The following FCRL5 variants were observed in gnomAD, a reference collection of about 807,000 sequenced individuals.
FCRL5 encodes Fc receptor-like protein 5.
In FCRL5, 79 loss-of-function variants were observed where a neutral mutation model predicts 92.1. The ratio of observed to expected loss-of-function variants is 0.86; its 90% CI spans 0.72 to 1.03. FCRL5 has a LOEUF of 1.03. FCRL5 is among the 50% of genes least tolerant of loss of function. FCRL5 has a pLI of 0.00. For missense variants in FCRL5, 1,160 were observed against 1,181.1 expected (o/e 0.98, Z 0.26); for synonymous variants, 466 against 469.3 (o/e 0.99, Z 0.09).
intron 14 of FCRL5, 87 bp downstream of exon 14, chr1:157,518,613 C>G: frequency 6.9e-7 from 1 of 1,452,368 alleles, no homozygotes; most frequent in African/African-American, 1.4e-5. Context: ...CTCTAGGCCT[C>G]GGCATAGTCC....
At chr1:157,520,672 G>T in intron 11 of FCRL5, 125 bp from the exon 12 acceptor site, 1 of 679,314 alleles carries the variant, frequency 1.5e-6, no homozygotes, top group Non-Finnish European at 2.5e-6. Context: ...GCTAAGCAGG[G>T]GCTGGTGTGG....
intron 15 of FCRL5, among the ~76,000 whole-genome samples, chr1:157,517,504 C>T (rs1649982768): frequency 6.6e-6 from 1 of 152,036 alleles, no homozygotes; most frequent in South Asian, 2.1e-4. Flanking sequence ...AACCCAAGGA[C>T]TTTTCTCAGG....
intron 12 of FCRL5, 78 bp from the exon 13 acceptor site, chr1:157,519,848 T>C: frequency 4.8e-6 from 7 of 1,453,934 alleles, no homozygotes; most frequent in Non-Finnish European, 6.8e-6. Flanking sequence ...AAGGCTCACT[T>C]AGAAACTGCC....
intron 10 of FCRL5, 92 bp downstream of exon 10, chr1:157,524,187 C>A: frequency 7.1e-7 from 1 of 1,412,558 alleles, no homozygotes; most frequent in South Asian, 1.3e-5. Flanking sequence ...AAGCAAACAG[C>A]CCTGAGGAGC....
rs766760827 is a variant in FCRL5 at position 157,521,267 on chromosome 1, G to A, written c.2265C>T (p.Thr755=). 1 of 1,613,306 alleles carries A rather than the reference G, an allele frequency of 6.2e-7. No individual in the cohort carries two copies. The highest frequency in any genetic ancestry group is 8.5e-7 in the Non-Finnish European group (1 of 1,179,728). Residue 755 remains threonine (T), a synonymous_variant, in exon 11 of 17, where the codon ACC becomes ACT. Coordinates refer to ENST00000361835, the MANE Select transcript of FCRL5 (RefSeq NM_031281.3). The stretch of plus-strand genomic sequence containing the variant: ...CAGCATGGGTCCCGGGAGCCCTGAG[G>A]GTGAGGACCGGGCGAGACACCGGAA... ...VAVPVSRPVL[T]LRAPGTHAAV...
intron 1 of FCRL5, among the ~76,000 whole-genome samples, 169 bp downstream of exon 1, chr1:157,552,163 A>C (rs1273023441): frequency 1.3e-5 from 2 of 152,204 alleles, no homozygotes; most frequent in South Asian, 2.1e-4. Flanking sequence ...CATTTTCTTC[A>C]GCCTCAAGAG....
intron 15 of FCRL5, among the ~76,000 whole-genome samples, chr1:157,516,716 T>C (rs1649950463): frequency 6.6e-6 from 1 of 152,224 alleles, no homozygotes; most frequent in African/African-American, 2.4e-5. Context: ...AATATGACAT[T>C]CTCCAGACAA....
At chr1:157,528,518 G>A (rs1413710638) in intron 8 of FCRL5, 1 of 152,074 alleles carries the variant, frequency 6.6e-6, no homozygotes, top group Non-Finnish European at 1.5e-5. Flanking sequence ...GCAAGACTAA[G>A]CAAAAAGAAC....
intron 3 of FCRL5, among the ~76,000 whole-genome samples, chr1:157,546,450 A>AAAACCAAACAAAACCAAACC (rs1651540697): frequency 6.9e-6 from 1 of 145,016 alleles, no homozygotes; most frequent in Admixed American, 7.0e-5. Context: ...TCCATCTCAA[A>AAAACCAAACAAAACCAAACC]AAACCAAACC....
At chr1:157,518,332 C>T in intron 15 of FCRL5, 97 bp downstream of exon 15, 1 of 1,063,160 alleles carries the variant, frequency 9.4e-7, no homozygotes, top group Non-Finnish European at 1.4e-6. Flanking sequence ...AGGGGCGGCT[C>T]TATGCCTGTC....
chr1:157,540,464 GT>G (rs1159925265), intron 6 of FCRL5, among the ~76,000 whole-genome samples: 2 of 151,718 alleles, frequency 1.3e-5, no homozygotes, highest in African/African-American at 2.4e-5. Flanking sequence ...TAGATAAAAG[GT>G]TTTTACCTCT....
In FCRL5 at chr1:157,515,613, T is replaced by C. The variant is rs369636568; in HGVS notation, c.*62A>G. On this transcript the variant is annotated 3_prime_UTR_variant, in exon 17 of 17. Transcript: ENST00000361835. The stretch of plus-strand genomic sequence containing the variant: ...TAAATCTTCCCACTTCAATGCTGCT[T>C]CTCCCCCAAGGGGAACTTTGGGGTG... 1.2e-6 allele frequency: 2 copies of C among 1,613,712 alleles called. No homozygotes were observed. Among genetic ancestry groups the C allele is most frequent in the African/African-American group, 2.7e-5 (2 of 74,916 alleles).
At chr1:157,520,397 G>A (rs1412349143) in intron 12 of FCRL5, 34 bp downstream of exon 12, 2 of 1,466,898 alleles carry the variant, frequency 1.4e-6, no homozygotes, top group Non-Finnish European at 1.9e-6. Context: ...GGAAGGGCAT[G>A]AACTCAAGCC....
chr1:157,529,837 G>A (rs939617882), intron 8 of FCRL5, among the ~76,000 whole-genome samples: 2 of 152,138 alleles, frequency 1.3e-5, no homozygotes, highest in Admixed American at 6.5e-5. Flanking sequence ...TGGGGTGATG[G>A]ATAAAGTACT....
intron 8 of FCRL5, among the ~76,000 whole-genome samples, chr1:157,529,598 T>C (rs199942143): frequency 0.78 from 111,282 of 143,098 alleles, 43,074 homozygotes; most frequent in South Asian, 0.87. Flanking sequence ...CATACGCATG[T>C]GTGTGTGTGT....
Position 157,519,785 on chromosome 1 carries a change from A to G in FCRL5, c.2633-15T>C. The G allele has an allele frequency of 6.2e-7, 1 of 1,613,924 alleles. No individual in the cohort carries two copies. The highest frequency in any genetic ancestry group is 1.1e-5 in the South Asian group (1 of 91,046). On this transcript the variant is annotated splice_polypyrimidine_tract_variant and intron_variant, in intron 12 of 16. Transcript: ENST00000361835. Reference sequence around the variant, plus strand: ...AGGCTTTCTCCCTGTAAAGGAAAGCAGAGGAGCATTGGATTCAGGAAGATG... The same window carrying G: ...AGGCTTTCTCCCTGTAAAGGAAAGCGGAGGAGCATTGGATTCAGGAAGATG...
chr1:157,543,827 T>TA (rs1455837440), intron 5 of FCRL5, among the ~76,000 whole-genome samples: 2 of 152,142 alleles, frequency 1.3e-5, no homozygotes, highest in African/African-American at 2.4e-5. Flanking sequence ...ATATTTGGAG[T>TA]AACTATAATG....
At chr1:157,519,520 A>T (rs938992631) in intron 13 of FCRL5, among the ~76,000 whole-genome samples, 2 of 152,210 alleles carry the variant, frequency 1.3e-5, no homozygotes, top group Non-Finnish European at 2.9e-5. Flanking sequence ...TGAAAAGGCA[A>T]TTAATACTTG....
chr1:157,547,463 C>G, intron 2 of FCRL5: 1 of 632,686 alleles, frequency 1.6e-6, no homozygotes. Flanking sequence ...GTTAGGTAGC[C>G]TTACATGGAA....
Sources: allele counts gnomAD v4.1 joint callset (sites outside exome capture counted in the v4.1 genomes callset), GRCh38; gene constraint gnomAD v4.1.1; transcripts MANE v1.5; gene names NCBI Gene and HGNC (gene_info 2026-07-23, HGNC 2026-07-21).